Variants in PPID observed in about 807,000 individuals in gnomAD.
PPID encodes peptidylprolyl isomerase D.
PPID carries 47 observed loss-of-function variants against 48.1 expected under a neutral mutation model. The ratio of observed to expected loss-of-function variants is 0.98; its 90% CI spans 0.77 to 1.25. The LOEUF (loss-of-function observed/expected upper bound fraction) is 1.25, where lower values mean the gene tolerates loss of function less well. Ranked by LOEUF, PPID falls within the 50% of genes most tolerant of loss-of-function variation. The probability of loss-of-function intolerance (pLI) is 0.00; values close to 1 mark genes in which losing one functional copy is unlikely to be tolerated. For missense variants in PPID, 429 were observed against 443.5 expected (o/e 0.97, Z 0.29); for synonymous variants, 163 against 148.8 (o/e 1.10, Z -0.69).
intron 6 of PPID, among the ~76,000 whole-genome samples, chr4:158,713,827 C>G (rs556338981): frequency 6.6e-6 from 1 of 152,180 alleles, no homozygotes; most frequent in Admixed American, 6.5e-5. Flanking sequence ...GGAAAGGGGC[C>G]TTCCACTGAA....
intron 1 of PPID, among the ~76,000 whole-genome samples, chr4:158,722,950 AC>A (rs1366174754): frequency 2.0e-5 from 3 of 152,196 alleles, no homozygotes; most frequent in Admixed American, 6.5e-5. Flanking sequence ...CAGGAGGCAA[AC>A]CTAAAGGACG....
At position 158,717,545 on chromosome 4, in the gene PPID, G is replaced by A. The variant is rs1358910805; in HGVS notation, c.334-345C>T. On this transcript the variant is annotated intron_variant, in intron 3 of 9. Transcript: ENST00000307720. ...ACTTCACCTTTAAAATGAAGATGCA[G>A]CATTATGAAACTCTTGTAATATATT... 2.0e-5 allele frequency among the ~76,000 whole-genome samples: 3 copies of A among 152,246 alleles called. No homozygotes were observed. The East Asian group carries it at 5.8e-4, about 29-fold the overall frequency.
chr4:158,719,900 C>T (rs994821296), intron 2 of PPID, among the ~76,000 whole-genome samples: 4 of 152,158 alleles, frequency 2.6e-5, no homozygotes, highest in African/African-American at 7.2e-5. Flanking sequence ...GGATACACAG[C>T]GAGATGACGG....
At chr4:158,717,998 C>A (rs1336013441) in intron 3 of PPID, among the ~76,000 whole-genome samples, 3 of 152,152 alleles carry the variant, frequency 2.0e-5, no homozygotes, top group Non-Finnish European at 4.4e-5. Flanking sequence ...CCCCACCCCA[C>A]CAAAATGCCT....
Position 158,719,160 on chromosome 4 carries a change from AT to A in PPID, c.333+19del, listed in dbSNP as rs1561256944. 1.4e-6 allele frequency: 2 copies of A among 1,451,250 alleles called. No homozygotes were observed. The highest frequency in any genetic ancestry group is 2.8e-5 in the African/African-American group (2 of 71,282). 89.9% of individuals were successfully genotyped at this position (1,451,250 alleles called of 1,614,324 possible). ...TAACAATCTTTTTATCAGCAATAAC[AT>A]GCATTTTCTCTACTTTACCTTGTAA... On this transcript the variant is annotated intron_variant, in intron 3 of 9. Transcript: ENST00000307720.
intron 1 of PPID, among the ~76,000 whole-genome samples, chr4:158,722,421 C>G (rs1774977577): frequency 6.6e-6 from 1 of 152,250 alleles, no homozygotes; most frequent in Non-Finnish European, 1.5e-5. Context: ...AATTCCTCCT[C>G]TAGATAGCAG....
chr4:158,722,540 A>C (rs1448989740), intron 1 of PPID, among the ~76,000 whole-genome samples: 10 of 152,224 alleles, frequency 6.6e-5, no homozygotes, highest in Admixed American at 6.5e-4. Context: ...CCTGGCCAGC[A>C]ATTCCAACGT....
chr4:158,709,693 G>C lies in PPID; in HGVS notation c.*43C>G, dbSNP rs1774747452. 2 of 1,393,936 alleles carry C rather than the reference G, an allele frequency of 1.4e-6. No individual in the cohort carries two copies. Among genetic ancestry groups the C allele is most frequent in the Admixed American group, 1.8e-5 (1 of 55,686 alleles). The allele number at this position is 1,393,936 out of a possible 1,614,324, so 86.3% of individuals were successfully genotyped here. A position where few individuals can be genotyped will look rare whatever the true frequency, so the allele number is the denominator to read the frequency against. The stretch of plus-strand genomic sequence containing the variant: ...ACAAAAACCTTTACATTTTCTTATT[G>C]CATTTATACAATCAACACACAATAA... On this transcript the variant is annotated 3_prime_UTR_variant, in exon 10 of 10. Coordinates refer to ENST00000307720, the MANE Select transcript of PPID (RefSeq NM_005038.3).
intron 3 of PPID, 76 bp downstream of exon 3, chr4:158,719,104 G>A: frequency 1.1e-6 from 1 of 902,080 alleles, no homozygotes; most frequent in South Asian, 1.6e-5. Context: ...ACATTTTTTG[G>A]TGTCTTAATC....
rs752988705 is a variant in PPID at position 158,717,001 on chromosome 4, T to G, written c.522+11A>C. 4 of 1,602,866 alleles carry G rather than the reference T, an allele frequency of 2.5e-6. No individual in the cohort carries two copies. Among genetic ancestry groups the G allele is most frequent in the East Asian group, 4.5e-5 (2 of 44,806 alleles). ...GATAATAAGTGTATTTCACTGTAAC[T>G]TTTTACTTACTTTAGCAGGTTTTTC... On this transcript the variant is annotated intron_variant, in intron 4 of 9. Coordinates refer to ENST00000307720, the MANE Select transcript of PPID (RefSeq NM_005038.3).
At chr4:158,719,410 G>C in intron 2 of PPID, 124 bp from the exon 3 acceptor site, 1 of 674,864 alleles carries the variant, frequency 1.5e-6, no homozygotes, top group Non-Finnish European at 2.5e-6. Flanking sequence ...TCTCCTGTTT[G>C]TCGCTCCCCA....
chr4:158,721,551 G>C (rs1428037657), intron 1 of PPID, 68 bp from the exon 2 acceptor site: 3 of 1,531,018 alleles, frequency 2.0e-6, no homozygotes, highest in Non-Finnish European at 2.7e-6. Context: ...AAGAAGGTTG[G>C]TATAATTATG....
At position 158,709,599 on chromosome 4, in the gene PPID, G is replaced by T; in HGVS notation, c.*137C>A. 1.6e-6 allele frequency: 1 copy of T among 606,840 alleles called. No individual in the cohort carries two copies. Among genetic ancestry groups the T allele is most frequent in the Non-Finnish European group, 2.8e-6 (1 of 353,958 alleles). The allele number at this position is 606,840 out of a possible 1,614,324, so 37.6% of individuals were successfully genotyped here. A position where few individuals can be genotyped will look rare whatever the true frequency, so the allele number is the denominator to read the frequency against. ...GTTTATTAAGCATGAACCCCTATCA[G>T]TACTCCTAAACTGTAAACAGTAAGG... is the stretch of plus-strand genomic sequence containing the variant. On this transcript the variant is annotated 3_prime_UTR_variant, in exon 10 of 10. Transcript: ENST00000307720.
At chr4:158,719,819 C>T (rs1332045898) in intron 2 of PPID, among the ~76,000 whole-genome samples, 3 of 152,094 alleles carry the variant, frequency 2.0e-5, no homozygotes, top group East Asian at 1.9e-4. Flanking sequence ...CAAAGGTTAC[C>T]AAGATTGCTT....
chr4:158,723,116 C>G (rs1774990469), intron 1 of PPID, 88 bp downstream of exon 1: 2 of 1,338,200 alleles, frequency 1.5e-6, no homozygotes, highest in South Asian at 1.2e-5. Context: ...AGTCACCGGC[C>G]GGAGCCGCAT....
At position 158,720,701 on chromosome 4, in the gene PPID, T is replaced by TTTTTG. The variant is rs1561257629; in HGVS notation, c.226+641_226+642insCAAAA. Among the ~76,000 whole-genome samples the TTTTTG allele has an allele frequency of 5.7e-3, 771 of 135,610 alleles. 9 individuals carry two copies. The highest frequency in any genetic ancestry group is 0.02 in the African/African-American group (693 of 34,380). 89.0% of individuals were successfully genotyped at this position (135,610 alleles called of 152,430 possible). A position where few individuals can be genotyped will look rare whatever the true frequency, so the allele number is the denominator to read the frequency against. On this transcript the variant is annotated intron_variant, in intron 2 of 9. Coordinates refer to ENST00000307720, the MANE Select transcript of PPID (RefSeq NM_005038.3). ...ACTCAGGCCCAAAAATTATGCATTT[T>TTTTTG]TTTGTTTGTTTGTTTGTTTGTTTGT...
Position 158,709,562 on chromosome 4 carries a change from G to A in PPID, c.*174C>T, listed in dbSNP as rs1334809224. On this transcript the variant is annotated 3_prime_UTR_variant, in exon 10 of 10. Transcript: ENST00000307720. The stretch of plus-strand genomic sequence containing the variant: ...AACAAACAAAACCACTTTACTTACT[G>A]TATTGTGACATGTTTATTAAGCATG... The A allele has an allele frequency of 4.0e-6, 2 of 498,880 alleles. No individual in the cohort carries two copies. Among genetic ancestry groups the A allele is most frequent in the Non-Finnish European group, 7.0e-6 (2 of 285,998 alleles). The allele number at this position is 498,880 out of a possible 1,614,324, so 30.9% of individuals were successfully genotyped here.
Position 158,717,189 on chromosome 4 carries a change from C to T in PPID, c.345G>A (p.Glu115=), listed in dbSNP as rs1368265704. ...DENFHYKHDR[E]GLLSMANAGR... ...CTGCATTTGCCATGCTCAGTAAACC[C>T]TCCCGATCATGCTGTAGAAATAAAA... Residue 115 remains glutamate (E), a synonymous_variant, in exon 4 of 10, where the codon GAG becomes GAA. Coordinates refer to ENST00000307720, the MANE Select transcript of PPID (RefSeq NM_005038.3). 2 of 1,609,944 alleles carry T rather than the reference C, an allele frequency of 1.2e-6. No individual in the cohort carries two copies. The highest frequency in any genetic ancestry group is 1.1e-5 in the South Asian group (1 of 90,444).
rs2070630 is a variant in PPID at position 158,723,342 on chromosome 4, G to C, written c.-54C>G. On this transcript the variant is annotated 5_prime_UTR_variant, in exon 1 of 10. Coordinates refer to ENST00000307720, the MANE Select transcript of PPID (RefSeq NM_005038.3). The stretch of plus-strand genomic sequence containing the variant: ...ATATCAGAGTACCTAGTGGCCGCCC[G>C]GGCCGCCCAAACTCCAGAGTCCGTC... The C allele has an allele frequency of 0.29, 446,634 of 1,544,554 alleles. 66,236 individuals are homozygous for C. The highest frequency in any genetic ancestry group is 0.32 in the South Asian group (28,670 of 88,900).
Sources: allele counts gnomAD v4.1 joint callset (sites outside exome capture counted in the v4.1 genomes callset), GRCh38; gene constraint gnomAD v4.1.1; transcripts MANE v1.5; gene names NCBI Gene and HGNC (gene_info 2026-07-23, HGNC 2026-07-21).